The following PREX1 variants were observed in gnomAD, a reference collection of about 807,000 sequenced individuals.
PREX1 encodes the protein phosphatidylinositol 3,4,5-trisphosphate-dependent Rac exchanger 1 protein.
Under a neutral mutation model 198.3 loss-of-function variants are expected in PREX1, and 41 were observed. That is an observed-to-expected ratio of 0.21 (90% CI 0.16 to 0.27). PREX1 has a LOEUF of 0.27. Ranked by LOEUF, PREX1 falls within the 10% of genes least tolerant of loss-of-function variation. The pLI, the probability that PREX1 is intolerant of heterozygous loss-of-function variation, is 1.00. For missense variants in PREX1, 1,620 were observed against 2,200.7 expected (o/e 0.74, Z 5.28); for synonymous variants, 843 against 887.2 (o/e 0.95, Z 0.89).
At chr20:48,644,539 C>T in intron 26 of PREX1, 42 bp from the exon 27 acceptor site, 1 of 1,577,840 alleles carries the variant, frequency 6.3e-7, no homozygotes, top group Non-Finnish European at 8.7e-7. Flanking sequence ...ACCCTGAGCT[C>T]AGGCCATCTG....
At chr20:48,707,021 A>T (rs558076843) in intron 6 of PREX1, among the ~76,000 whole-genome samples, 1 of 152,272 alleles carries the variant, frequency 6.6e-6, no homozygotes, top group South Asian at 2.1e-4. Context: ...TGTTGCCTCA[A>T]CTGTTAACTG....
At chr20:48,732,988 T>C (rs73138221) in intron 4 of PREX1, among the ~76,000 whole-genome samples, 10,104 of 152,284 alleles carry the variant, frequency 0.066, 446 homozygotes, top group South Asian at 0.16. Context: ...CCCCAGACTG[T>C]CTGCACCCAC....
intron 5 of PREX1, among the ~76,000 whole-genome samples, chr20:48,721,351 G>A (rs148713894): frequency 6.6e-6 from 1 of 152,348 alleles, no homozygotes; most frequent in African/African-American, 2.4e-5. Context: ...GACAGAGAAT[G>A]GCAGAGGCAG....
At chr20:48,884,113 T>C in the PREX1 span, among the ~76,000 whole-genome samples, 3 of 143,216 alleles carry the variant, frequency 2.1e-5, no homozygotes, top group East Asian at 6.0e-4. Context: ...CACTCCAGCC[T>C]GGACGACAGA....
chr20:48,664,984 G>A (rs1370536365), intron 15 of PREX1, among the ~76,000 whole-genome samples: 6 of 133,890 alleles, frequency 4.5e-5, no homozygotes, highest in African/African-American at 5.4e-5. Context: ...TTCTAATCCC[G>A]CCCCAGACGG....
chr20:48,747,920 C>T (rs1278149027), intron 1 of PREX1, 40 bp from the exon 2 acceptor site: 6 of 1,559,538 alleles, frequency 3.8e-6, no homozygotes, highest in Non-Finnish European at 5.3e-6. Flanking sequence ...GTCCGCGTCT[C>T]CAGCTCTCCC....
At chr20:48,727,820 A>G (rs1330349566) in intron 4 of PREX1, among the ~76,000 whole-genome samples, 2 of 152,150 alleles carry the variant, frequency 1.3e-5, no homozygotes, top group African/African-American at 4.8e-5. Context: ...GAGCCTTCAT[A>G]GGTGGCCATT....
chr20:48,765,302 T>C lies in PREX1; in HGVS notation c.220-17422A>G, dbSNP rs554228173. Among the ~76,000 whole-genome samples, 3 of 152,334 alleles carry C rather than the reference T, an allele frequency of 2.0e-5. 1 individual carries two copies. Among genetic ancestry groups the C allele is most frequent in the South Asian group, 2.1e-4 (1 of 4,832 alleles). ...CCACAAAAGTATCTACAAACAAATA[T>C]TCATTAAGGACAGATGGTCTAATAA... On this transcript the variant is annotated intron_variant, in intron 1 of 39. Coordinates refer to ENST00000371941, the MANE Select transcript of PREX1 (RefSeq NM_020820.4).
chr20:48,829,459 T>G (rs781019250), upstream of PREX1, among the ~76,000 whole-genome samples: 1 of 152,116 alleles, frequency 6.6e-6, no homozygotes, highest in African/African-American at 2.4e-5. Context: ...GAGAATGGGG[T>G]GGCTTCTGCC....
intron 1 of PREX1, among the ~76,000 whole-genome samples, chr20:48,775,028 G>C (rs2090254530): frequency 6.6e-6 from 1 of 152,146 alleles, no homozygotes; most frequent in Non-Finnish European, 1.5e-5. Context: ...CCTCAGCTTT[G>C]GGGAAACAGG....
chr20:48,648,444 G>A lies in PREX1; in HGVS notation c.3305+856C>T, dbSNP rs532561439. Among the ~76,000 whole-genome samples the A allele has an allele frequency of 2.1e-4, 32 of 152,236 alleles. No individual in the cohort carries two copies. In the East Asian group the frequency reaches 3.3e-3, roughly 16 times the overall value. On this transcript the variant is annotated intron_variant, in intron 25 of 39. Transcript: ENST00000371941. ...CCCCAGATGCTGCTGAACATCCTCC[G>A]ATGCCCAGGACAGCTCCCCAACAAG...
chr20:48,650,876 G>C lies in PREX1; in HGVS notation c.2817+18C>G. ...TCTGGGACCTGTGGCAGAGACCCCGGAGGGAGCACGCAGGCACCTCCTGGT... is the reference window on the plus strand; with the variant it reads ...TCTGGGACCTGTGGCAGAGACCCCGCAGGGAGCACGCAGGCACCTCCTGGT... On this transcript the variant is annotated intron_variant, in intron 23 of 39. Transcript: ENST00000371941. The C allele has an allele frequency of 1.9e-6, 3 of 1,613,674 alleles. No individual in the cohort carries two copies. The highest frequency in any genetic ancestry group is 2.5e-6 in the Non-Finnish European group (3 of 1,179,820).
At chr20:48,875,251 G>C in the PREX1 span, among the ~76,000 whole-genome samples, 5 of 152,240 alleles carry the variant, frequency 3.3e-5, no homozygotes, top group Non-Finnish European at 5.9e-5. Flanking sequence ...CAAGTGGGAA[G>C]CAGCTGAAGA....
the PREX1 span, among the ~76,000 whole-genome samples, chr20:48,859,186 C>T: frequency 6.6e-6 from 1 of 152,152 alleles, no homozygotes; most frequent in Non-Finnish European, 1.5e-5. Flanking sequence ...CAGGTGGGAG[C>T]CACAGCACTT....
chr20:48,864,971 C>A, the PREX1 span, among the ~76,000 whole-genome samples: 2 of 152,272 alleles, frequency 1.3e-5, no homozygotes, highest in African/African-American at 4.8e-5. Context: ...AGAACAGAGT[C>A]ACTGGGCAGG....
chr20:48,807,126 A>G (rs2090415207), intron 1 of PREX1, among the ~76,000 whole-genome samples: 1 of 152,324 alleles, frequency 6.6e-6, no homozygotes, highest in South Asian at 2.1e-4. Context: ...AATTTGAAAA[A>G]TAGTGTGTTA....
At chr20:48,650,815 ATT>A in intron 23 of PREX1, 77 bp downstream of exon 23, 1 of 1,542,508 alleles carries the variant, frequency 6.5e-7, no homozygotes, top group Non-Finnish European at 8.8e-7. Context: ...GGGCTTTGTA[ATT>A]TACAACCCAA....
intron 1 of PREX1, among the ~76,000 whole-genome samples, chr20:48,771,937 T>C (rs1002853632): frequency 6.6e-6 from 1 of 152,228 alleles, no homozygotes; most frequent in African/African-American, 2.4e-5. Flanking sequence ...CTCCCATCTA[T>C]AATCCCAGCA....
chr20:48,815,336 C>G (rs1426517847), intron 1 of PREX1, among the ~76,000 whole-genome samples: 2 of 152,232 alleles, frequency 1.3e-5, no homozygotes, highest in Non-Finnish European at 2.9e-5. Context: ...AAGACACATT[C>G]TTTTCAAATG....
Sources: allele counts gnomAD v4.1 joint callset (sites outside exome capture counted in the v4.1 genomes callset), GRCh38; gene constraint gnomAD v4.1.1; transcripts MANE v1.5; gene names NCBI Gene and HGNC (gene_info 2026-07-23, HGNC 2026-07-21).